Variants in ARL15 observed in about 807,000 individuals in gnomAD.
ARL15 encodes ADP-ribosylation factor-like protein 15.
ARL15 carries 19 observed loss-of-function variants against 25.2 expected under a neutral mutation model. That is an observed-to-expected ratio of 0.75 (90% CI 0.53 to 1.10). ARL15 has a LOEUF of 1.10. Ranked by LOEUF, ARL15 falls within the 50% of genes least tolerant of loss-of-function variation. The probability of loss-of-function intolerance (pLI) is 0.00; values close to 1 mark genes in which losing one functional copy is unlikely to be tolerated. For missense variants in ARL15, 220 were observed against 246.0 expected, an observed-to-expected ratio of 0.89 and a Z score of 0.71; for synonymous variants, 94 against 86.8, an observed-to-expected ratio of 1.08 and a Z score of -0.46.
intron 4 of ARL15, among the ~76,000 whole-genome samples, chr5:54,097,605 A>G (rs1187811877): frequency 6.6e-6 from 1 of 152,182 alleles, no homozygotes; most frequent in African/African-American, 2.4e-5. Flanking sequence ...TATGAAGAAA[A>G]TTTTACATTC....
intron 1 of ARL15, among the ~76,000 whole-genome samples, chr5:54,205,039 A>T (rs1050086307): frequency 8.0e-5 from 12 of 149,762 alleles, no homozygotes; most frequent in African/African-American, 2.5e-4. Context: ...GGTTCAAGCG[A>T]TTCTCCTGCC....
chr5:54,129,006 A>C (rs1753352875), intron 3 of ARL15, among the ~76,000 whole-genome samples: 1 of 152,090 alleles, frequency 6.6e-6, no homozygotes, highest in South Asian at 2.1e-4. Context: ...GCCTGGCCTT[A>C]CTATTTTGAT....
chr5:54,158,714 A>T (rs1458077322), intron 2 of ARL15, among the ~76,000 whole-genome samples: 1 of 152,162 alleles, frequency 6.6e-6, no homozygotes, highest in Non-Finnish European at 1.5e-5. Context: ...CTCTACTAAA[A>T]ATACAAAAAT....
At chr5:54,072,100 GA>G (rs1751445769) in intron 4 of ARL15, among the ~76,000 whole-genome samples, 1 of 151,966 alleles carries the variant, frequency 6.6e-6, no homozygotes, top group African/African-American at 2.4e-5. Flanking sequence ...TTGTTTTCAG[GA>G]CATTTGCACT....
intron 4 of ARL15, among the ~76,000 whole-genome samples, chr5:54,011,386 G>A (rs1399087915): frequency 6.6e-6 from 1 of 152,068 alleles, no homozygotes; most frequent in East Asian, 1.9e-4. Flanking sequence ...CTTAAAATGA[G>A]CACATTTCTC....
chr5:54,289,892 G>A (rs779451852), intron 1 of ARL15, among the ~76,000 whole-genome samples: 2 of 152,062 alleles, frequency 1.3e-5, no homozygotes, highest in Admixed American at 6.5e-5. Flanking sequence ...TATGTTCCAG[G>A]CACACAACTT....
intron 3 of ARL15, among the ~76,000 whole-genome samples, chr5:54,133,417 GGAGA>G (rs1317855867): frequency 1.3e-5 from 2 of 152,246 alleles, no homozygotes; most frequent in East Asian, 3.9e-4. Context: ...CAAACCCCGA[GGAGA>G]GAGAAAGTGG....
intron 4 of ARL15, among the ~76,000 whole-genome samples, chr5:53,913,552 T>C (rs1423719337): frequency 1.3e-5 from 2 of 152,210 alleles, no homozygotes; most frequent in African/African-American, 4.8e-5. Flanking sequence ...TCTTTGGCTT[T>C]GGGTAAGTCC....
chr5:54,022,935 T>A (rs1000998007), intron 4 of ARL15, among the ~76,000 whole-genome samples: 1 of 152,176 alleles, frequency 6.6e-6, no homozygotes, highest in African/African-American at 2.4e-5. Flanking sequence ...CTGATGTGGT[T>A]CTCAATGTTC....
At chr5:54,008,447 A>C (rs1749119692) in intron 4 of ARL15, among the ~76,000 whole-genome samples, 1 of 152,218 alleles carries the variant, frequency 6.6e-6, no homozygotes, top group Admixed American at 6.5e-5. Flanking sequence ...AATACAAACA[A>C]ACACTTTTCA....
intron 4 of ARL15, among the ~76,000 whole-genome samples, chr5:53,920,148 A>G (rs1745798378): frequency 6.6e-6 from 1 of 152,190 alleles, no homozygotes; most frequent in Admixed American, 6.5e-5. Context: ...AGCCCTGAAC[A>G]ATCCTTCCTT....
intron 4 of ARL15, among the ~76,000 whole-genome samples, chr5:54,067,328 T>A (rs527756609): frequency 2.6e-4 from 40 of 152,338 alleles, no homozygotes; most frequent in African/African-American, 7.9e-4. Context: ...CTTACACTTG[T>A]ATAAATTCTG....
At chr5:54,032,307 C>T (rs1291254024) in intron 4 of ARL15, among the ~76,000 whole-genome samples, 1 of 151,968 alleles carries the variant, frequency 6.6e-6, no homozygotes, top group Non-Finnish European at 1.5e-5. Context: ...GATCTAGGCT[C>T]ATTGCAACCT....
At chr5:54,274,090 G>A (rs1757859447) in intron 1 of ARL15, among the ~76,000 whole-genome samples, 2 of 152,316 alleles carry the variant, frequency 1.3e-5, no homozygotes, top group African/African-American at 2.4e-5. Context: ...CTAGGATCGT[G>A]AGGCAGGGGA....
intron 4 of ARL15, among the ~76,000 whole-genome samples, chr5:53,912,525 GA>G (rs2111983891): frequency 6.6e-6 from 1 of 152,300 alleles, no homozygotes; most frequent in Non-Finnish European, 1.5e-5. Flanking sequence ...GCTACTCCTT[GA>G]GAGTATTGCA....
At chr5:53,976,589 C>T (rs990762292) in intron 4 of ARL15, among the ~76,000 whole-genome samples, 1 of 152,156 alleles carries the variant, frequency 6.6e-6, no homozygotes, top group Non-Finnish European at 1.5e-5. Flanking sequence ...AGCCCCAAAC[C>T]GTAGTCTAGA....
chr5:53,951,973 G>T (rs915472849), intron 4 of ARL15, among the ~76,000 whole-genome samples: 3 of 150,932 alleles, frequency 2.0e-5, no homozygotes, highest in African/African-American at 7.3e-5. Flanking sequence ...AATTGTGTGT[G>T]AAAGAGGAGA....
At chr5:54,216,615 G>A (rs932140544) in intron 1 of ARL15, among the ~76,000 whole-genome samples, 2 of 146,906 alleles carry the variant, frequency 1.4e-5, no homozygotes, top group African/African-American at 5.1e-5. Context: ...TATATTATGG[G>A]TATATGTATA....
intron 1 of ARL15, among the ~76,000 whole-genome samples, chr5:54,199,992 T>C (rs1197685361): frequency 1.3e-5 from 2 of 151,080 alleles, no homozygotes; most frequent in South Asian, 2.1e-4. Context: ...ATGTCCTTTG[T>C]AGGAACGTGG....
Sources: allele counts gnomAD v4.1 joint callset (sites outside exome capture counted in the v4.1 genomes callset), GRCh38; gene constraint gnomAD v4.1.1; transcripts MANE v1.5; gene names NCBI Gene and HGNC (gene_info 2026-07-23, HGNC 2026-07-21).